Variants in CACNG4 observed in about 807,000 individuals in gnomAD.
CACNG4 encodes calcium voltage-gated channel auxiliary subunit gamma 4.
A neutral mutation model predicts 22.9 loss-of-function variants in CACNG4; 8 were observed. The observed-to-expected ratio is 0.35, with a 90% CI of 0.21 to 0.63. The LOEUF is 0.63. CACNG4 is among the 30% of genes least tolerant of loss of function. CACNG4 has a pLI of 0.72. For synonymous variants in CACNG4, 188 were observed against 191.9 expected (o/e 0.98, Z 0.17); for missense variants, 357 against 455.4 (o/e 0.78, Z 1.97).
intron 1 of CACNG4, among the ~76,000 whole-genome samples, chr17:66,990,685 A>G (rs1327074027): frequency 7.1e-6 from 1 of 140,448 alleles, no homozygotes; most frequent in Admixed American, 7.0e-5. Flanking sequence ...ATTTTATTTT[A>G]TTTATTTATT....
chr17:66,990,612 G>A (rs1212676610), intron 1 of CACNG4, among the ~76,000 whole-genome samples: 7 of 152,034 alleles, frequency 4.6e-5, no homozygotes, highest in East Asian at 3.9e-4. Context: ...TTGATCTTAC[G>A]AAATTTTCTT....
At chr17:67,017,793 G>C (rs1026451527) in intron 1 of CACNG4, among the ~76,000 whole-genome samples, 1 of 152,228 alleles carries the variant, frequency 6.6e-6, no homozygotes, top group Admixed American at 6.5e-5. Context: ...TGGGATTACA[G>C]GCATGAGCCA....
In CACNG4 at chr17:67,031,167, C is replaced by A; in HGVS notation, c.*163C>A. The A allele has an allele frequency of 1.3e-6, 1 of 740,740 alleles. No individual in the cohort carries two copies. The highest frequency in any genetic ancestry group is 2.2e-6 in the Non-Finnish European group (1 of 454,898). The allele number at this position is 740,740 out of a possible 1,614,324, so 45.9% of individuals were successfully genotyped here. A position where few individuals can be genotyped will look rare whatever the true frequency, so the allele number is the denominator to read the frequency against. On this transcript the variant is annotated 3_prime_UTR_variant, in exon 4 of 4. Transcript: ENST00000262138. This position sits in a 1 kb window ranked among gnomAD's most constrained non-coding sequence, Gnocchi z 4.0. ...GGGCTGGCTTTGCACGAAGGTTGTG[C>A]TGGGAGACCGGACCCGGGGCTGCAG...
At chr17:66,974,980 G>T (rs1330040926) in intron 1 of CACNG4, among the ~76,000 whole-genome samples, 1 of 118,720 alleles carries the variant, frequency 8.4e-6, no homozygotes, top group East Asian at 2.9e-4. Flanking sequence ...GCCGTGACTT[G>T]CCTCTGAGGA....
intron 3 of CACNG4, among the ~76,000 whole-genome samples, chr17:67,026,277 T>A (rs994359915): frequency 2.0e-5 from 3 of 148,442 alleles, no homozygotes; most frequent in Admixed American, 6.7e-5. Flanking sequence ...GTGCGAGGAG[T>A]GTGGTGTGTT....
intron 1 of CACNG4, among the ~76,000 whole-genome samples, chr17:66,972,612 G>GTCACT (rs2035211506): frequency 6.6e-6 from 1 of 152,084 alleles, no homozygotes; most frequent in Non-Finnish European, 1.5e-5. Context: ...TGGAATTCCA[G>GTCACT]TCACTTCACT....
chr17:66,984,108 A>G lies in CACNG4; in HGVS notation c.220+18977A>G, dbSNP rs2035292036. Among the ~76,000 whole-genome samples the G allele has an allele frequency of 6.6e-6, 1 of 152,198 alleles. No homozygotes were observed. Among genetic ancestry groups the G allele is most frequent in the Non-Finnish European group, 1.5e-5 (1 of 68,042 alleles). Reference sequence around the variant, plus strand: ...AAATTAAAAATAGTAGCCAGCTGCAATGGCTTGAACCTGTAATCCTAGCAC... The same window carrying G: ...AAATTAAAAATAGTAGCCAGCTGCAGTGGCTTGAACCTGTAATCCTAGCAC... On this transcript the variant is annotated intron_variant, in intron 1 of 3. Transcript: ENST00000262138. The surrounding 1 kb of genome is among the most constrained non-coding windows in gnomAD (Gnocchi z 4.0).
chr17:67,031,780 G>A lies in CACNG4; in HGVS notation c.*776G>A, dbSNP rs773553328. On this transcript the variant is annotated 3_prime_UTR_variant, in exon 4 of 4. Coordinates refer to ENST00000262138, the MANE Select transcript of CACNG4 (RefSeq NM_014405.4). This position sits in a 1 kb window ranked among gnomAD's most constrained non-coding sequence, Gnocchi z 4.0. ...ACTGACTGGACTTCAGAGTCTGGAG[G>A]GTTCCATCGGTCAGGGGAATGGCGG... 1 of 456,722 alleles carries A rather than the reference G, an allele frequency of 2.2e-6. No homozygotes were observed. Among genetic ancestry groups the A allele is most frequent in the Non-Finnish European group, 4.4e-6 (1 of 226,984 alleles). The allele number at this position is 456,722 out of a possible 1,614,324, so 28.3% of individuals were successfully genotyped here.
intron 1 of CACNG4, among the ~76,000 whole-genome samples, chr17:66,976,223 C>G (rs1480317994): frequency 4.6e-5 from 7 of 152,166 alleles, no homozygotes. Context: ...GACTCCGCCA[C>G]TCACCATCTG....
At chr17:66,976,870 C>T (rs1292666618) in intron 1 of CACNG4, among the ~76,000 whole-genome samples, 2 of 152,142 alleles carry the variant, frequency 1.3e-5, no homozygotes, top group African/African-American at 4.8e-5. Flanking sequence ...GTCGGCTGTG[C>T]TTCCCGCCAG....
intron 1 of CACNG4, among the ~76,000 whole-genome samples, chr17:66,967,141 G>A (rs2035175888): frequency 6.6e-6 from 1 of 152,158 alleles, no homozygotes; most frequent in East Asian, 1.9e-4. Flanking sequence ...AATTCCTCAT[G>A]CTAATTAGGA....
intron 1 of CACNG4, among the ~76,000 whole-genome samples, chr17:66,969,688 C>A (rs1324957349): frequency 6.6e-6 from 1 of 152,122 alleles, no homozygotes; most frequent in African/African-American, 2.4e-5. Context: ...GCCCCAGCTG[C>A]CCCGAGCCCC....
intron 2 of CACNG4, chr17:67,020,164 A>T (rs1171461301): frequency 6.6e-6 from 1 of 152,470 alleles, no homozygotes; most frequent in Non-Finnish European, 1.5e-5. Context: ...CTTCACCTGC[A>T]GCTGGGCAGA....
chr17:66,977,562 T>C (rs1205033661), intron 1 of CACNG4, among the ~76,000 whole-genome samples: 2 of 152,186 alleles, frequency 1.3e-5, no homozygotes, highest in African/African-American at 4.8e-5. Flanking sequence ...GATATAATGA[T>C]AGACCCTCCC....
chr17:66,975,808 ACTGAGG>A (rs2035232416), intron 1 of CACNG4, among the ~76,000 whole-genome samples: 3 of 152,274 alleles, frequency 2.0e-5, no homozygotes, highest in South Asian at 4.2e-4. Context: ...AAAATCAGAG[ACTGAGG>A]CTCTCAGCTG....
chr17:67,029,370 G>A (rs1020357563), intron 3 of CACNG4, among the ~76,000 whole-genome samples: 2 of 150,786 alleles, frequency 1.3e-5, no homozygotes, highest in Non-Finnish European at 3.0e-5. Flanking sequence ...GGTGGCTCAC[G>A]CCTGTAATCC....
Position 66,998,286 on chromosome 17 carries a change from A to T in CACNG4, c.221-19903A>T, listed in dbSNP as rs191025493. Among the ~76,000 whole-genome samples the T allele has an allele frequency of 2.2e-3, 329 of 152,260 alleles. 2 individuals are homozygous for T. The highest frequency in any genetic ancestry group is 3.4e-3 in the Middle Eastern group (1 of 294). ...CCCCCAGGCTGAAGTGCAGTGGTGC[A>T]GTCATGGCTCACTGCAGCCTCCAAC... On this transcript the variant is annotated intron_variant, in intron 1 of 3. Transcript: ENST00000262138.
chr17:66,970,675 A>G (rs1471277146), intron 1 of CACNG4, among the ~76,000 whole-genome samples: 1 of 151,988 alleles, frequency 6.6e-6, no homozygotes, highest in Non-Finnish European at 1.5e-5. Flanking sequence ...TCTGATCATG[A>G]CCCTCACAAC....
intron 2 of CACNG4, among the ~76,000 whole-genome samples, chr17:67,023,432 C>T (rs189478973): frequency 1.3e-4 from 19 of 151,362 alleles, no homozygotes; most frequent in African/African-American, 1.9e-4. Flanking sequence ...CTGGCTACAA[C>T]GCCCGGCTAA....
Sources: allele counts gnomAD v4.1 joint callset (sites outside exome capture counted in the v4.1 genomes callset), GRCh38; gene constraint gnomAD v4.1.1; non-coding constraint Gnocchi (gnomAD v3.1); transcripts MANE v1.5; gene names NCBI Gene and HGNC (gene_info 2026-07-23, HGNC 2026-07-21).